The following FBXL7 variants were observed in gnomAD, a reference collection of about 807,000 sequenced individuals.
The protein encoded by FBXL7 is F-box/LRR-repeat protein 7.
Under a neutral mutation model 38.3 loss-of-function variants are expected in FBXL7, and 12 were observed. The observed-to-expected ratio is 0.31, with a 90% confidence interval of 0.20 to 0.51. The LOEUF is 0.51. FBXL7 is among the 20% of genes least tolerant of loss of function. The probability of loss-of-function intolerance (pLI) is 0.98; values close to 1 mark genes in which losing one functional copy is unlikely to be tolerated. For synonymous variants in FBXL7, 297 were observed against 300.9 expected (o/e 0.99, Z 0.13); for missense variants, 567 against 676.4 (o/e 0.84, Z 1.79).
At chr5:15,705,697 A>G (rs1264954109) in intron 2 of FBXL7, among the ~76,000 whole-genome samples, 1 of 152,202 alleles carries the variant, frequency 6.6e-6, no homozygotes. Context: ...TGATTGCTCA[A>G]TTGATGGATT....
chr5:15,774,245 C>T (rs1736802585), intron 2 of FBXL7, among the ~76,000 whole-genome samples: 1 of 152,072 alleles, frequency 6.6e-6, no homozygotes, highest in Non-Finnish European at 1.5e-5. Context: ...TGACCCTCTT[C>T]CTCCCCTCTA....
intron 2 of FBXL7, among the ~76,000 whole-genome samples, chr5:15,857,331 A>T (rs1369477380): frequency 2.6e-5 from 4 of 152,280 alleles, no homozygotes; most frequent in African/African-American, 7.2e-5. Context: ...AACTCATTTA[A>T]TTCTCATATC....
intron 2 of FBXL7, among the ~76,000 whole-genome samples, chr5:15,705,930 A>G (rs1743668240): frequency 6.6e-6 from 1 of 152,326 alleles, no homozygotes; most frequent in Admixed American, 6.5e-5. Context: ...AAAGAATAAT[A>G]GTATTATACT....
chr5:15,856,226 T>C (rs1487134715), intron 2 of FBXL7, among the ~76,000 whole-genome samples: 1 of 152,074 alleles, frequency 6.6e-6, no homozygotes, highest in Admixed American at 6.6e-5. Context: ...TTGTGAGACT[T>C]ATTCACTATC....
At chr5:15,723,111 T>C (rs902199800) in intron 2 of FBXL7, among the ~76,000 whole-genome samples, 2 of 152,174 alleles carry the variant, frequency 1.3e-5, no homozygotes, top group Admixed American at 6.5e-5. Context: ...TATCACAGAA[T>C]GCTTTTACTG....
intron 2 of FBXL7, among the ~76,000 whole-genome samples, chr5:15,706,026 C>T (rs1743670023): frequency 6.6e-6 from 1 of 152,054 alleles, no homozygotes; most frequent in Admixed American, 6.6e-5. Context: ...GGCCCTGAGG[C>T]CCAAAGGCAA....
chr5:15,914,768 A>G (rs1741537843), intron 2 of FBXL7, among the ~76,000 whole-genome samples: 1 of 152,200 alleles, frequency 6.6e-6, no homozygotes, highest in Non-Finnish European at 1.5e-5. Flanking sequence ...CCGAGCGAGC[A>G]CATTCTCCCC....
At chr5:15,584,432 G>T (rs1008350887) in intron 1 of FBXL7, among the ~76,000 whole-genome samples, 6 of 152,160 alleles carry the variant, frequency 3.9e-5, no homozygotes, top group Non-Finnish European at 8.8e-5. Context: ...AAGTTCCACA[G>T]ATCTCTAGGG....
intron 2 of FBXL7, among the ~76,000 whole-genome samples, chr5:15,663,312 G>T (rs1232767229): frequency 6.6e-6 from 1 of 152,070 alleles, no homozygotes; most frequent in East Asian, 1.9e-4. Flanking sequence ...GGCTGTTGTG[G>T]GTGTATAGGA....
At chr5:15,535,520 C>T (rs1235047644) in intron 1 of FBXL7, among the ~76,000 whole-genome samples, 1 of 152,184 alleles carries the variant, frequency 6.6e-6, no homozygotes, top group Non-Finnish European at 1.5e-5. Context: ...AATGCTTTAG[C>T]AAAGAGACTG....
At chr5:15,900,505 C>T (rs1295785554) in intron 2 of FBXL7, among the ~76,000 whole-genome samples, 2 of 152,148 alleles carry the variant, frequency 1.3e-5, no homozygotes, top group African/African-American at 2.4e-5. Context: ...GAATCACTTC[C>T]TTTGCATAGA....
chr5:15,674,540 T>G (rs1410115766), intron 2 of FBXL7, among the ~76,000 whole-genome samples: 1 of 152,214 alleles, frequency 6.6e-6, no homozygotes, highest in Non-Finnish European at 1.5e-5. Context: ...TGAATTATCC[T>G]CTTCCTTTGG....
At chr5:15,617,440 T>C (rs984814702) in intron 2 of FBXL7, among the ~76,000 whole-genome samples, 104 of 150,158 alleles carry the variant, frequency 6.9e-4, no homozygotes, top group African/African-American at 2.4e-3. Context: ...TATTTATTTA[T>C]TTATTTATTT....
chr5:15,863,366 T>C (rs893664987), intron 2 of FBXL7, among the ~76,000 whole-genome samples: 5 of 152,194 alleles, frequency 3.3e-5, no homozygotes, highest in African/African-American at 1.2e-4. Flanking sequence ...GAAGAAAAAG[T>C]CTTTTTTCAT....
intron 1 of FBXL7, among the ~76,000 whole-genome samples, chr5:15,567,078 C>T (rs1261560134): frequency 6.6e-6 from 1 of 152,088 alleles, no homozygotes; most frequent in African/African-American, 2.4e-5. Flanking sequence ...CCTGTTGCAC[C>T]AGGAGGGCAA....
At chr5:15,590,726 A>T (rs1023827944) in intron 1 of FBXL7, among the ~76,000 whole-genome samples, 1 of 152,074 alleles carries the variant, frequency 6.6e-6, no homozygotes, top group African/African-American at 2.4e-5. Context: ...TGATCAGATT[A>T]GTCCTCCCCT....
At chr5:15,785,904 GCT>G (rs1646415726) in intron 2 of FBXL7, among the ~76,000 whole-genome samples, 2 of 152,212 alleles carry the variant, frequency 1.3e-5, no homozygotes, top group South Asian at 4.1e-4. Context: ...GCAGCATGTG[GCT>G]CTGAGTGGCA....
At position 15,764,531 on chromosome 5, in the gene FBXL7, C is replaced by G. The variant is rs138779596; in HGVS notation, c.127+148459C>G. On this transcript the variant is annotated intron_variant, in intron 2 of 3. Transcript: ENST00000504595. ...ATCCATAAAGGTTAGCGTGTGTGCC[C>G]GTGATGAGGAGGGATAGGAGTTAGT... 3.9e-5 allele frequency among the ~76,000 whole-genome samples: 6 copies of G among 152,064 alleles called. No homozygotes were observed. The South Asian group carries it at 1.2e-3, about 31-fold the overall frequency.
intron 1 of FBXL7, 80 bp from the exon 2 acceptor site, chr5:15,615,903 T>C: frequency 1.2e-6 from 1 of 869,144 alleles, no homozygotes; most frequent in Non-Finnish European, 1.9e-6. Context: ...GTGATATGGC[T>C]TGCTGTGGGA....
Sources: gnomAD v4.1 joint callset for allele counts (sites outside exome capture counted in the v4.1 genomes callset) on GRCh38, gnomAD v4.1.1 for gene constraint, MANE v1.5 for transcripts, NCBI Gene and HGNC (gene_info 2026-07-23, HGNC 2026-07-21) for gene names.